Variants in BCL2 observed in about 807,000 individuals in gnomAD.
BCL2 encodes apoptosis regulator Bcl-2.
In BCL2, 1 loss-of-function variant was observed where a neutral mutation model predicts 14.2. That is an observed-to-expected ratio of 0.07 (90% CI 0.02 to 0.33). The LOEUF (loss-of-function observed/expected upper bound fraction) is 0.33. BCL2 is among the 10% of genes least tolerant of loss of function. The pLI is 0.99. For synonymous variants in BCL2, 151 were observed against 137.2 expected (o/e 1.10, Z -0.70); for missense variants, 247 against 305.9 (o/e 0.81, Z 1.44).
At chr18:63,231,004 T>C (rs931200198) in intron 2 of BCL2, among the ~76,000 whole-genome samples, 1 of 152,064 alleles carries the variant, frequency 6.6e-6, no homozygotes, top group Non-Finnish European at 1.5e-5. Context: ...CAAAATATCA[T>C]GTTTATCACA....
intron 2 of BCL2, among the ~76,000 whole-genome samples, chr18:63,225,427 T>C (rs1264143620): frequency 2.0e-5 from 3 of 152,192 alleles, no homozygotes; most frequent in Non-Finnish European, 2.9e-5. Flanking sequence ...CAGAGACATA[T>C]ATATGCTAGA....
Position 63,294,138 on chromosome 18 carries a change from C to T in BCL2, c.585+23944G>A, listed in dbSNP as rs372764397. Among the ~76,000 whole-genome samples, 6 of 152,064 alleles carry T rather than the reference C, an allele frequency of 3.9e-5. No individual in the cohort carries two copies. The South Asian group carries it at 1.2e-3, about 32-fold the overall frequency. ...TTGGTATGTAGACCAAACCTTCTGC[C>T]ACAGTGTTTTGCAGTGCTGTTGTCC... On this transcript the variant is annotated intron_variant, in intron 2 of 2. Coordinates refer to ENST00000333681, the MANE Select transcript of BCL2 (RefSeq NM_000633.3).
chr18:63,192,771 C>T (rs1909323066), intron 2 of BCL2, among the ~76,000 whole-genome samples: 1 of 152,214 alleles, frequency 6.6e-6, no homozygotes, highest in South Asian at 2.1e-4. Context: ...CTTAATACAG[C>T]TTCTCACTCC....
At chr18:63,309,862 GT>G (rs1243422708) in intron 2 of BCL2, among the ~76,000 whole-genome samples, 1 of 151,940 alleles carries the variant, frequency 6.6e-6, no homozygotes, top group East Asian at 1.9e-4. Context: ...TTATTTGTTT[GT>G]TTATTTATTT....
At chr18:63,228,042 G>A (rs28662060) in intron 2 of BCL2, among the ~76,000 whole-genome samples, 12,906 of 152,198 alleles carry the variant, frequency 0.085, 578 homozygotes, top group South Asian at 0.16. Flanking sequence ...ACAGATGGCC[G>A]CCTTCTTGCT....
chr18:63,166,726 T>C (rs1915055901), intron 2 of BCL2, among the ~76,000 whole-genome samples: 1 of 152,226 alleles, frequency 6.6e-6, no homozygotes, highest in South Asian at 2.1e-4. Context: ...ACCGACGGGA[T>C]ATGAGGTATC....
intron 2 of BCL2, among the ~76,000 whole-genome samples, chr18:63,234,718 TC>T (rs902023649): frequency 2.0e-5 from 3 of 152,210 alleles, no homozygotes; most frequent in African/African-American, 4.8e-5. Flanking sequence ...CTGGACTTGA[TC>T]CTCAGCTCTG....
At chr18:63,217,191 A>G (rs1211697229) in intron 2 of BCL2, among the ~76,000 whole-genome samples, 1 of 152,242 alleles carries the variant, frequency 6.6e-6, no homozygotes, top group Non-Finnish European at 1.5e-5. Context: ...TAGTAATGCA[A>G]TTCATGCATT....
In BCL2 at chr18:63,318,846, G is replaced by A. The variant is rs1913599714; in HGVS notation, c.-180C>T. 2 of 1,398,258 alleles carry A rather than the reference G, an allele frequency of 1.4e-6. No individual in the cohort carries two copies. Among genetic ancestry groups the A allele is most frequent in the Admixed American group, 7.0e-5 (2 of 28,520 alleles). The allele number at this position is 1,398,258 out of a possible 1,614,324, so 86.6% of individuals were successfully genotyped here. A position where few individuals can be genotyped will look rare whatever the true frequency, so the allele number is the denominator to read the frequency against. ...ACTTGATTCTGGTGTTTCCCCCTTG[G>A]CATGAGATGCAGGAAATTTTTATTC... is the stretch of plus-strand genomic sequence containing the variant. On this transcript the variant is annotated 5_prime_UTR_variant, in exon 2 of 3. Transcript: ENST00000333681. The surrounding 1 kb of genome is among the most constrained non-coding windows in gnomAD (Gnocchi z 7.4).
At chr18:63,134,580 C>G (rs536114368) in intron 2 of BCL2, among the ~76,000 whole-genome samples, 10 of 152,268 alleles carry the variant, frequency 6.6e-5, no homozygotes, top group Admixed American at 2.6e-4. Flanking sequence ...TGGCTATAAG[C>G]AAATTCGAAA....
chr18:63,150,446 G>T (rs1254145662), intron 2 of BCL2, among the ~76,000 whole-genome samples: 3 of 152,114 alleles, frequency 2.0e-5, no homozygotes, highest in South Asian at 2.1e-4. Context: ...CATTGTGATG[G>T]TTTTTTTTCT....
At chr18:63,245,081 A>C (rs1217368069) in intron 2 of BCL2, among the ~76,000 whole-genome samples, 1 of 152,144 alleles carries the variant, frequency 6.6e-6, no homozygotes, top group African/African-American at 2.4e-5. Flanking sequence ...TGACCTGTTA[A>C]CCCATTACTG....
intron 2 of BCL2, among the ~76,000 whole-genome samples, chr18:63,296,785 C>G (rs903678038): frequency 2.0e-5 from 3 of 152,222 alleles, no homozygotes; most frequent in Admixed American, 6.5e-5. Context: ...GGCTACACAA[C>G]TGTAGCTCAT....
At chr18:63,156,372 T>C (rs1299599901) in intron 2 of BCL2, among the ~76,000 whole-genome samples, 1 of 152,206 alleles carries the variant, frequency 6.6e-6, no homozygotes, top group Non-Finnish European at 1.5e-5. Flanking sequence ...CGGGCTGCCC[T>C]GTGCACTGGA....
chr18:63,306,909 ATTC>A (rs1222582409), intron 2 of BCL2, among the ~76,000 whole-genome samples: 2 of 151,498 alleles, frequency 1.3e-5, no homozygotes, highest in Non-Finnish European at 2.9e-5. Context: ...GCCCAAGACA[ATTC>A]TTCTTCTTCC....
chr18:63,126,046 G>C lies in BCL2; in HGVS notation c.*2579C>G, dbSNP rs1913902366. 1 of 218,914 alleles carries C rather than the reference G, an allele frequency of 4.6e-6. No individual in the cohort carries two copies. The highest frequency in any genetic ancestry group is 9.2e-6 in the Non-Finnish European group (1 of 108,814). 13.6% of individuals were successfully genotyped at this position (218,914 alleles called of 1,614,324 possible). ...GCAGCTTGGAGGATCTTACCACGTGGAGCATACTGCAAACTGACTCCATTA... is the reference window on the plus strand; with the variant it reads ...GCAGCTTGGAGGATCTTACCACGTGCAGCATACTGCAAACTGACTCCATTA... On this transcript the variant is annotated 3_prime_UTR_variant, in exon 3 of 3. Transcript: ENST00000333681.
chr18:63,239,015 G>A (rs555011615), intron 2 of BCL2, among the ~76,000 whole-genome samples: 2 of 152,192 alleles, frequency 1.3e-5, no homozygotes, highest in African/African-American at 2.4e-5. Flanking sequence ...GGGGAGAGGC[G>A]GGGGCCTGTG....
intron 2 of BCL2, among the ~76,000 whole-genome samples, chr18:63,221,416 G>A (rs1910387709): frequency 6.6e-6 from 1 of 152,006 alleles, no homozygotes; most frequent in South Asian, 2.1e-4. Context: ...TTAAGTTTGG[G>A]GGAAAAAAAG....
At chr18:63,204,674 T>C (rs1909785184) in intron 2 of BCL2, among the ~76,000 whole-genome samples, 1 of 152,160 alleles carries the variant, frequency 6.6e-6, no homozygotes, top group Non-Finnish European at 1.5e-5. Context: ...GAGTAATCTG[T>C]TATGCAGCTA....
Sources: allele counts gnomAD v4.1 joint callset (sites outside exome capture counted in the v4.1 genomes callset), GRCh38; gene constraint gnomAD v4.1.1; non-coding constraint Gnocchi (gnomAD v3.1); transcripts MANE v1.5; gene names NCBI Gene and HGNC (gene_info 2026-07-23, HGNC 2026-07-21).